HMCN2: variants seen among roughly 807,000 people sequenced by gnomAD.
The protein encoded by HMCN2 is hemicentin 2.
A neutral mutation model predicts 377.5 loss-of-function variants in HMCN2; 325 were observed. That is an observed-to-expected ratio of 0.86 (90% CI 0.79 to 0.94). The LOEUF (loss-of-function observed/expected upper bound fraction) is 0.94, where lower values mean the gene tolerates loss of function less well. Ranked by LOEUF, HMCN2 falls within the 40% of genes least tolerant of loss-of-function variation. HMCN2 has a pLI of 0.00. For synonymous variants in HMCN2, 2,007 were observed against 2,046.8 expected, an observed-to-expected ratio of 0.98 and a Z score of 0.53; for missense variants, 4,543 against 4,725.3, an observed-to-expected ratio of 0.96 and a Z score of 1.13.
In HMCN2 at chr9:130,303,459, T is replaced by C; in HGVS notation, c.1422-28T>C. On this transcript the variant is annotated intron_variant, in intron 9 of 97. Coordinates refer to ENST00000683500, the MANE Select transcript of HMCN2 (RefSeq NM_001291815.2). The surrounding 1 kb of genome is among the most constrained non-coding windows in gnomAD (Gnocchi z 5.2). Reference sequence around the variant, plus strand: ...CCCTGAGTGGGGGTCAGTGTGATTGTGTGTCTCCCACTGTTCCCTGTTTGC... The same window carrying C: ...CCCTGAGTGGGGGTCAGTGTGATTGCGTGTCTCCCACTGTTCCCTGTTTGC... The C allele has an allele frequency of 2.3e-6, 1 of 432,746 alleles. No homozygotes were observed. Among genetic ancestry groups the C allele is most frequent in the Non-Finnish European group, 4.9e-6 (1 of 205,230 alleles). The allele number at this position is 432,746 out of a possible 1,614,324, so 26.8% of individuals were successfully genotyped here.
intron 29 of HMCN2, among the ~76,000 whole-genome samples, chr9:130,350,041 G>A (rs982433244): frequency 6.6e-6 from 1 of 151,162 alleles, no homozygotes; most frequent in African/African-American, 2.4e-5. Flanking sequence ...TAAATAGCTG[G>A]GACCACAGGT....
intron 15 of HMCN2, among the ~76,000 whole-genome samples, chr9:130,314,420 C>T (rs1837431077): frequency 6.6e-6 from 1 of 152,178 alleles, no homozygotes; most frequent in African/African-American, 2.4e-5. Context: ...ACTAATCCAG[C>T]CTGCATCATT....
In HMCN2 at chr9:130,407,575, G is replaced by A. The variant is rs766898955; in HGVS notation, c.12558G>A (p.Gly4186=). Residue 4186 remains glycine, a synonymous_variant, in exon 83 of 98, where the codon GGG becomes GGA. Transcript: ENST00000683500. Reference sequence around the variant, plus strand: ...ACTTCTCTTTCTCCACCACAGAAGGGGTGTCTGAGCAGGATGGAGGCAGCA... The same window carrying A: ...ACTTCTCTTTCTCCACCACAGAAGGAGTGTCTGAGCAGGATGGAGGCAGCA... The part of the protein sequence containing the change: ...WTVNDRPVTE[G]VSEQDGGSTL... 2.8e-5 allele frequency: 36 copies of A among 1,289,402 alleles called. No individual in the cohort carries two copies. The Middle Eastern group carries it at 1.3e-3, about 46-fold the overall frequency. 79.9% of individuals were successfully genotyped at this position (1,289,402 alleles called of 1,614,324 possible).
intron 1 of HMCN2, among the ~76,000 whole-genome samples, chr9:130,277,685 CCAT>C (rs543328781): frequency 0.01 from 1,535 of 150,712 alleles, 46 homozygotes; most frequent in East Asian, 0.065. Flanking sequence ...ACTATTACCA[CCAT>C]CATCATCACC....
chr9:130,353,166 G>A lies in HMCN2; in HGVS notation c.4825G>A (p.Val1609Met). 1.5e-6 allele frequency: 2 copies of A among 1,304,114 alleles called. No individual in the cohort carries two copies. Among genetic ancestry groups the A allele is most frequent in the Non-Finnish European group, 2.0e-6 (2 of 988,932 alleles). 80.8% of individuals were successfully genotyped at this position (1,304,114 alleles called of 1,614,324 possible). A position where few individuals can be genotyped will look rare whatever the true frequency, so the allele number is the denominator to read the frequency against. Reference sequence around the variant, plus strand: ...CTACACCTGCAAGGCCAGCAATGCTGTGGGGGCCGCAGAGAAGGCCACCAG... The same window carrying A: ...CTACACCTGCAAGGCCAGCAATGCTATGGGGGCCGCAGAGAAGGCCACCAG... Reference protein sequence around the residue: ...GVYTCKASNAVGAAEKATRLD... With the variant: ...GVYTCKASNAMGAAEKATRLD... Residue 1609 changes from valine to methionine, a missense_variant, in exon 31 of 98, where the codon GTG becomes ATG. Around this residue, in one of 5 missense-constraint regions of HMCN2, gnomAD observed 1,032 missense variants for 1,285.1 expected, o/e 0.80. Coordinates refer to ENST00000683500, the MANE Select transcript of HMCN2 (RefSeq NM_001291815.2).
At position 130,351,251 on chromosome 9, in the gene HMCN2, A is replaced by G. The variant is rs1588288229; in HGVS notation, c.4431-172A>G. ...GAATAATGTTCCGTGGCATGGACGGACCACACGTTGTTGATCCATTCCTCG... is the reference window on the plus strand; with the variant it reads ...GAATAATGTTCCGTGGCATGGACGGGCCACACGTTGTTGATCCATTCCTCG... On this transcript the variant is annotated intron_variant, in intron 29 of 97. Transcript: ENST00000683500. This position sits in a 1 kb window ranked among gnomAD's most constrained non-coding sequence, Gnocchi z 5.4. Among the ~76,000 whole-genome samples, 1 of 152,114 alleles carries G rather than the reference A, an allele frequency of 6.6e-6. No homozygotes were observed. The highest frequency in any genetic ancestry group is 1.5e-5 in the Non-Finnish European group (1 of 68,030).
intron 53 of HMCN2, 71 bp from the exon 54 acceptor site, chr9:130,379,178 A>G (rs1841563504): frequency 2.2e-6 from 1 of 456,188 alleles, no homozygotes; most frequent in African/African-American, 2.1e-5. Context: ...TGGGACGAGA[A>G]TCTCCGTGAG....
chr9:130,424,981 C>T, intron 88 of HMCN2, 28 bp from the exon 89 acceptor site: 13 of 1,527,350 alleles, frequency 8.5e-6, no homozygotes, highest in Non-Finnish European at 1.1e-5. Flanking sequence ...CCCGTGGTGA[C>T]TCTGGGCTGG....
At chr9:130,337,345 G>C (rs1292204836) in intron 22 of HMCN2, among the ~76,000 whole-genome samples, 4 of 152,112 alleles carry the variant, frequency 2.6e-5, no homozygotes, top group Non-Finnish European at 4.4e-5. Flanking sequence ...AGCACCAAGC[G>C]ACTGCAGTCA....
At chr9:130,312,726 C>A (rs936099250) in intron 15 of HMCN2, among the ~76,000 whole-genome samples, 5 of 149,900 alleles carry the variant, frequency 3.3e-5, no homozygotes, top group African/African-American at 9.9e-5. Context: ...AGTGCCCAGG[C>A]GCAATCTCGG....
chr9:130,392,804 G>T lies in HMCN2; in HGVS notation c.10137-408G>T, dbSNP rs553938588. Among the ~76,000 whole-genome samples, 778 of 152,182 alleles carry T rather than the reference G, an allele frequency of 5.1e-3. 2 individuals carry two copies. The highest frequency in any genetic ancestry group is 9.3e-3 in the Non-Finnish European group (630 of 67,992). ...AAGGTCAGGAGATCAAGACCATCCTGGCTAACACGGTGAAACCCCGTCTCT... is the reference window on the plus strand; with the variant it reads ...AAGGTCAGGAGATCAAGACCATCCTTGCTAACACGGTGAAACCCCGTCTCT... On this transcript the variant is annotated intron_variant, in intron 66 of 97. Transcript: ENST00000683500.
intron 15 of HMCN2, among the ~76,000 whole-genome samples, chr9:130,310,759 G>T (rs1365412436): frequency 2.0e-5 from 3 of 152,158 alleles, no homozygotes; most frequent in African/African-American, 7.2e-5. Flanking sequence ...CAGACAGTTT[G>T]GTTCAGCTCG....
chr9:130,399,927 C>T (rs1426868572), intron 76 of HMCN2, among the ~76,000 whole-genome samples: 1 of 152,206 alleles, frequency 6.6e-6, no homozygotes, highest in Admixed American at 6.5e-5. Flanking sequence ...CACAGCTGCC[C>T]GCTGCCCCCA....
chr9:130,399,927 C>A (rs1426868572), intron 76 of HMCN2, among the ~76,000 whole-genome samples: 1 of 152,206 alleles, frequency 6.6e-6, no homozygotes, highest in Non-Finnish European at 1.5e-5. Flanking sequence ...CACAGCTGCC[C>A]GCTGCCCCCA....
chr9:130,386,306 T>A, intron 60 of HMCN2, 137 bp from the exon 61 acceptor site: 1 of 368,282 alleles, frequency 2.7e-6, no homozygotes, highest in Admixed American at 3.7e-5. Context: ...CCTGATTCCC[T>A]TTGGCTCCCC....
rs574138690 is a variant in HMCN2, at chr9:130,308,454, C to T, written c.2200+888C>T. ...GTTTGACGGACGGGTGCTGGGGTCGCACTAGGTCTTTCTGGGAGCAGTACG... is the reference window on the plus strand; with the variant it reads ...GTTTGACGGACGGGTGCTGGGGTCGTACTAGGTCTTTCTGGGAGCAGTACG... On this transcript the variant is annotated intron_variant, in intron 14 of 97. Coordinates refer to ENST00000683500, the MANE Select transcript of HMCN2 (RefSeq NM_001291815.2). The surrounding 1 kb of genome is among the most constrained non-coding windows in gnomAD (Gnocchi z 4.1). 6.6e-6 allele frequency among the ~76,000 whole-genome samples: 1 copy of T among 152,248 alleles called. No homozygotes were observed. The highest frequency in any genetic ancestry group is 2.1e-4 in the South Asian group (1 of 4,826).
intron 73 of HMCN2, among the ~76,000 whole-genome samples, chr9:130,397,205 G>A (rs1463514738): frequency 6.6e-6 from 1 of 152,216 alleles, no homozygotes; most frequent in Admixed American, 6.5e-5. Flanking sequence ...TACATCTTAC[G>A]TGGATGGCAG....
At position 130,356,190 on chromosome 9, in the gene HMCN2, C is replaced by T. The variant is rs187663961; in HGVS notation, c.5358C>T (p.Gly1786=). 829 of 1,303,118 alleles carry T rather than the reference C, an allele frequency of 6.4e-4. 4 individuals carry two copies. The African/African-American group carries it at 0.011, about 18-fold the overall frequency. The allele number at this position is 1,303,118 out of a possible 1,614,324, so 80.7% of individuals were successfully genotyped here. ...ACCATGTGGAGCTGGACCACTCAGG[C>T]CTCTTCGCCTGCCAGGCCACCAATG... The part of the protein sequence containing the change: ...HIDHVELDHS[G]LFACQATNEA... The change falls in exon 34 of 98, where the codon GGC becomes GGT. Residue 1786 remains glycine (G), a synonymous_variant. Transcript: ENST00000683500.
Position 130,433,957 on chromosome 9 carries a change from A to T in HMCN2, c.*264A>T. 2.6e-6 allele frequency: 1 copy of T among 387,308 alleles called. No individual in the cohort carries two copies. 24.0% of individuals were successfully genotyped at this position (387,308 alleles called of 1,614,324 possible). A position where few individuals can be genotyped will look rare whatever the true frequency, so the allele number is the denominator to read the frequency against. On this transcript the variant is annotated 3_prime_UTR_variant, in exon 98 of 98. Transcript: ENST00000683500. ...CCGGGGAAGCCCGGATCAGACCTCC[A>T]GGTCTGATCCGCCCCTCAGTGGGAG...
Sources: allele counts gnomAD v4.1 joint callset (sites outside exome capture counted in the v4.1 genomes callset), GRCh38; gene constraint gnomAD v4.1.1; regional missense constraint gnomAD v4.1.1; non-coding constraint Gnocchi (gnomAD v3.1); transcripts MANE v1.5; gene names NCBI Gene and HGNC (gene_info 2026-07-23, HGNC 2026-07-21).